GABRG3: variants seen among roughly 807,000 people sequenced by gnomAD.
The protein encoded by GABRG3 is gamma-aminobutyric acid receptor subunit gamma-3.
In GABRG3, 25 loss-of-function variants were observed where a neutral mutation model predicts 48.8. The observed-to-expected ratio is 0.51, with a 90% confidence interval of 0.37 to 0.72. GABRG3 has a LOEUF of 0.72. GABRG3 is among the 30% of genes least tolerant of loss of function. The pLI is 0.00. For missense variants in GABRG3, 394 were observed against 577.9 expected, an observed-to-expected ratio of 0.68 and a Z score of 3.26; for synonymous variants, 227 against 217.6, an observed-to-expected ratio of 1.04 and a Z score of -0.38.
intron 3 of GABRG3, among the ~76,000 whole-genome samples, chr15:27,246,098 C>T (rs1291567398): frequency 6.6e-6 from 1 of 152,008 alleles, no homozygotes; most frequent in Non-Finnish European, 1.5e-5. Context: ...GGGATCTGCC[C>T]CACGACCCAA....
intron 3 of GABRG3, among the ~76,000 whole-genome samples, chr15:27,133,759 G>T (rs1897961376): frequency 6.6e-6 from 1 of 152,180 alleles, no homozygotes; most frequent in East Asian, 1.9e-4. Context: ...AGAGCAAATT[G>T]TTACAAACTG....
chr15:27,518,108 TG>T (rs1380138877), intron 6 of GABRG3, among the ~76,000 whole-genome samples: 1 of 150,330 alleles, frequency 6.7e-6, no homozygotes, highest in African/African-American at 2.5e-5. Flanking sequence ...CCCAGCACTT[TG>T]GGAGGCCAAC....
At position 27,282,249 on chromosome 15, in the gene GABRG3, G is replaced by A. The variant is rs570317955; in HGVS notation, c.271-44560G>A. On this transcript the variant is annotated intron_variant, in intron 3 of 9. Coordinates refer to ENST00000615808, the MANE Select transcript of GABRG3 (RefSeq NM_033223.5). ...GGTTTGCTCAGCTTCTTTAACTGTA[G>A]GTTAATGTCTGTTGCCTAAATTCGG... Among the ~76,000 whole-genome samples the A allele has an allele frequency of 2.6e-5, 4 of 152,244 alleles. No individual in the cohort carries two copies. The South Asian group carries it at 8.3e-4, about 32-fold the overall frequency.
chr15:27,471,939 G>A (rs913306202), intron 5 of GABRG3, among the ~76,000 whole-genome samples: 7 of 152,094 alleles, frequency 4.6e-5, no homozygotes, highest in Non-Finnish European at 1.0e-4. Context: ...TTGCTTGATT[G>A]TTCTTACAAA....
intron 3 of GABRG3, among the ~76,000 whole-genome samples, chr15:27,210,325 G>A (rs535761605): frequency 6.6e-6 from 1 of 152,298 alleles, no homozygotes; most frequent in Non-Finnish European, 1.5e-5. Flanking sequence ...AAATAAGTGA[G>A]TTTAGATGAG....
chr15:27,282,217 T>A (rs1891456883), intron 3 of GABRG3, among the ~76,000 whole-genome samples: 1 of 152,208 alleles, frequency 6.6e-6, no homozygotes, highest in South Asian at 2.1e-4. Context: ...GGGGTTAGCC[T>A]GTTTGGGGTT....
chr15:27,151,382 T>G (rs1397639822), intron 3 of GABRG3, among the ~76,000 whole-genome samples: 2 of 152,198 alleles, frequency 1.3e-5, no homozygotes, highest in East Asian at 3.9e-4. Context: ...ATCAACATCT[T>G]TCTCTGGAGA....
chr15:27,048,157 C>T (rs1896395772), intron 3 of GABRG3, among the ~76,000 whole-genome samples: 1 of 152,104 alleles, frequency 6.6e-6, no homozygotes, highest in Admixed American at 6.5e-5. Context: ...GGGCCCCATA[C>T]CTGCCAGAGG....
At chr15:27,100,986 C>G (rs758258027) in intron 3 of GABRG3, among the ~76,000 whole-genome samples, 1 of 152,086 alleles carries the variant, frequency 6.6e-6, no homozygotes, top group African/African-American at 2.4e-5. Context: ...CAAGAATAAG[C>G]AATTATTAGG....
At chr15:27,434,818 G>A (rs1888560643) in intron 5 of GABRG3, among the ~76,000 whole-genome samples, 1 of 152,164 alleles carries the variant, frequency 6.6e-6, no homozygotes, top group Non-Finnish European at 1.5e-5. Context: ...CGTCTAACAG[G>A]AGAAAAGGTA....
intron 6 of GABRG3, among the ~76,000 whole-genome samples, chr15:27,490,805 T>C (rs930705587): frequency 1.5e-4 from 23 of 152,350 alleles, no homozygotes; most frequent in Admixed American, 1.4e-3. Flanking sequence ...TATATTTATC[T>C]TTTAGACTCA....
At chr15:27,195,725 C>G (rs949532821) in intron 3 of GABRG3, among the ~76,000 whole-genome samples, 2 of 151,984 alleles carry the variant, frequency 1.3e-5, no homozygotes, top group African/African-American at 4.8e-5. Context: ...ACCTCTGCCT[C>G]CCAGGTTCAA....
At chr15:27,362,211 G>A (rs1045583545) in intron 5 of GABRG3, 5 of 152,218 alleles carry the variant, frequency 3.3e-5, no homozygotes, top group Non-Finnish European at 5.9e-5. Context: ...TAAAAGCACA[G>A]GAGCAAAGGT....
intron 3 of GABRG3, among the ~76,000 whole-genome samples, chr15:27,141,863 C>T (rs1898109811): frequency 1.3e-5 from 2 of 152,172 alleles, no homozygotes; most frequent in Non-Finnish European, 2.9e-5. Context: ...CTTTCCTGGA[C>T]TTGTTGGCCG....
At chr15:27,272,905 A>G (rs1226436831) in intron 3 of GABRG3, among the ~76,000 whole-genome samples, 2 of 152,340 alleles carry the variant, frequency 1.3e-5, no homozygotes, top group South Asian at 2.1e-4. Flanking sequence ...TACAACAGGC[A>G]TTGAAAGATT....
At position 27,199,251 on chromosome 15, in the gene GABRG3, T is replaced by A. The variant is rs535247006; in HGVS notation, c.271-127558T>A. On this transcript the variant is annotated intron_variant, in intron 3 of 9. Coordinates refer to ENST00000615808, the MANE Select transcript of GABRG3 (RefSeq NM_033223.5). ...TTGTGTTGTTAGGATAGCCATTATA[T>A]GAGTCTGGTCCTGGACGGGATGCAC... is the stretch of plus-strand genomic sequence containing the variant. Among the ~76,000 whole-genome samples, 291 of 152,346 alleles carry A rather than the reference T, an allele frequency of 1.9e-3. 1 individual carries two copies. The highest frequency in any genetic ancestry group is 3.4e-3 in the Non-Finnish European group (232 of 68,036).
chr15:27,459,509 T>C (rs1889386174), intron 5 of GABRG3, among the ~76,000 whole-genome samples: 1 of 152,262 alleles, frequency 6.6e-6, no homozygotes, highest in African/African-American at 2.4e-5. Context: ...GCAGATCTCA[T>C]GTGCTCATAT....
At chr15:27,490,901 C>T (rs1022495781) in intron 6 of GABRG3, among the ~76,000 whole-genome samples, 2 of 150,430 alleles carry the variant, frequency 1.3e-5, no homozygotes, top group African/African-American at 4.9e-5. Context: ...CCCACCACCA[C>T]CCCCCCTTCA....
intron 3 of GABRG3, among the ~76,000 whole-genome samples, chr15:27,050,939 A>G (rs1486186532): frequency 6.6e-6 from 1 of 152,204 alleles, no homozygotes; most frequent in Non-Finnish European, 1.5e-5. Flanking sequence ...AACTCATGAG[A>G]GGAAGAGATT....
Sources: gnomAD v4.1 joint callset for allele counts (sites outside exome capture counted in the v4.1 genomes callset) on GRCh38, gnomAD v4.1.1 for gene constraint, MANE v1.5 for transcripts, NCBI Gene and HGNC (gene_info 2026-07-23, HGNC 2026-07-21) for gene names.